CA6: variants seen among roughly 807,000 people sequenced by gnomAD.
The protein encoded by CA6 is carbonic anhydrase 6, also known as carbonate dehydratase VI.
A neutral mutation model predicts 35.9 loss-of-function variants in CA6; 28 were observed. That is an observed-to-expected ratio of 0.78 (90% CI 0.58 to 1.07). The LOEUF is 1.07. Among genes scored for constraint, CA6 ranks in the 50% least tolerant of loss-of-function variants. The pLI, the probability that CA6 is intolerant of heterozygous loss-of-function variation, is 0.00. For missense variants in CA6, 377 were observed against 382.0 expected (o/e 0.99, Z 0.11); for synonymous variants, 148 against 152.6 (o/e 0.97, Z 0.22).
chr1:8,947,850 CTT>C (rs527410056), intron 1 of CA6, among the ~76,000 whole-genome samples: 31 of 140,518 alleles, frequency 2.2e-4, no homozygotes, highest in African/African-American at 4.9e-4. Context: ...GTACAGACAC[CTT>C]TTTTTTTTTT....
chr1:8,946,001 C>T (rs759765463), intron 1 of CA6, 36 bp downstream of exon 1: 4 of 1,335,730 alleles, frequency 3.0e-6, no homozygotes, highest in Non-Finnish European at 4.3e-6. Flanking sequence ...CCCCAGTTAC[C>T]CTCACACCCT....
Position 8,949,438 on chromosome 1 carries a change from C to T in CA6, c.255C>T (p.His85=). The T allele has an allele frequency of 6.2e-7, 1 of 1,611,466 alleles. No individual in the cohort carries two copies. Among genetic ancestry groups the T allele is most frequent in the Non-Finnish European group, 8.5e-7 (1 of 1,178,660 alleles). ...AGEFPMVNNG[H]TVQISLPSTM... ...AGTTCCCCATGGTCAACAATGGCCA[C>T]ACAGGTAAGAGGAAGGGGTGGTGAG... Residue 85 remains histidine (H), a synonymous_variant, in exon 2 of 8, where the codon CAC becomes CAT. Transcript: ENST00000377443.
chr1:8,974,787 A>G lies in CA6; in HGVS notation c.*83A>G. On this transcript the variant is annotated 3_prime_UTR_variant, in exon 8 of 8. Coordinates refer to ENST00000377443, the MANE Select transcript of CA6 (RefSeq NM_001215.4). Reference sequence around the variant, plus strand: ...TGCCTGTCCGCTGCAGCCGCACCCTACCTTGTCTAAGAAACCATGTGTGTC... The same window carrying G: ...TGCCTGTCCGCTGCAGCCGCACCCTGCCTTGTCTAAGAAACCATGTGTGTC... The G allele has an allele frequency of 5.4e-6, 4 of 739,170 alleles. No homozygotes were observed. The South Asian group carries it at 7.9e-5, about 15-fold the overall frequency. The allele number at this position is 739,170 out of a possible 1,614,324, so 45.8% of individuals were successfully genotyped here. A position where few individuals can be genotyped will look rare whatever the true frequency, so the allele number is the denominator to read the frequency against.
chr1:8,960,844 C>G (rs144024843), intron 4 of CA6, among the ~76,000 whole-genome samples: 71 of 149,036 alleles, frequency 4.8e-4, no homozygotes, highest in Non-Finnish European at 8.3e-4. Flanking sequence ...GGAAGAAAAA[C>G]ATGAAACAAA....
intron 7 of CA6, chr1:8,974,223 T>C: frequency 1.7e-6 from 1 of 590,794 alleles, no homozygotes. Context: ...CCCAGCGGGG[T>C]TGATATGATT....
At chr1:8,951,979 C>T (rs148218541) in intron 2 of CA6, 227 of 161,988 alleles carry the variant, frequency 1.4e-3, no homozygotes, top group African/African-American at 5.1e-3. Flanking sequence ...GCCACCACGC[C>T]CAGCTAATTT....
At chr1:8,949,680 G>A (rs559634227) in intron 2 of CA6, among the ~76,000 whole-genome samples, 5 of 152,164 alleles carry the variant, frequency 3.3e-5, no homozygotes, top group East Asian at 1.9e-4. Flanking sequence ...TTCCTGCAGC[G>A]TTATCCTCTT....
intron 4 of CA6, 52 bp downstream of exon 4, chr1:8,959,054 C>T (rs1423718171): frequency 1.9e-6 from 2 of 1,060,820 alleles, no homozygotes; most frequent in South Asian, 1.3e-5. Flanking sequence ...AGGTTGATGT[C>T]CAAACAAGGT....
At chr1:8,948,419 A>G (rs541312479) in intron 1 of CA6, among the ~76,000 whole-genome samples, 7 of 152,054 alleles carry the variant, frequency 4.6e-5, no homozygotes, top group South Asian at 2.1e-4. Flanking sequence ...CCCTGAATCC[A>G]TAAGTGTAGA....
chr1:8,957,785 C>CAAAAA (rs869085886), intron 3 of CA6, among the ~76,000 whole-genome samples: 8 of 79,254 alleles, frequency 1.0e-4, no homozygotes, highest in African/African-American at 2.6e-4. Context: ...CTTGTGTCTA[C>CAAAAA]AAAAAAAAAA....
In CA6 at chr1:8,949,435, C is replaced by T. The variant is rs765781496; in HGVS notation, c.252C>T (p.Gly84=). 7 of 1,611,496 alleles carry T rather than the reference C, an allele frequency of 4.3e-6. No individual in the cohort carries two copies. In the African/African-American group the frequency reaches 6.7e-5, roughly 15 times the overall value. The change falls in exon 2 of 8, where the codon GGC becomes GGT. Residue 84 remains glycine (G), a synonymous_variant. Coordinates refer to ENST00000377443, the MANE Select transcript of CA6 (RefSeq NM_001215.4). Reference sequence around the variant, plus strand: ...GGGAGTTCCCCATGGTCAACAATGGCCACACAGGTAAGAGGAAGGGGTGGT... The same window carrying T: ...GGGAGTTCCCCATGGTCAACAATGGTCACACAGGTAAGAGGAAGGGGTGGT... The part of the protein sequence containing the change: ...QAGEFPMVNN[G]HTVQISLPST...
At chr1:8,962,755 G>A in intron 5 of CA6, 99 bp downstream of exon 5, 1 of 1,066,998 alleles carries the variant, frequency 9.4e-7, no homozygotes, top group Non-Finnish European at 1.4e-6. Context: ...CTGGTGGGGA[G>A]GGTGGCCCGT....
rs1226264371 is a variant in CA6 at position 8,945,897 on chromosome 1, T to C, written c.11T>C (p.Leu4Pro). 1 of 1,612,432 alleles carries C rather than the reference T, an allele frequency of 6.2e-7. No individual in the cohort carries two copies. Among genetic ancestry groups the C allele is most frequent in the South Asian group, 1.1e-5 (1 of 91,040 alleles). Residue 4 changes from leucine (L) to proline (P), a missense_variant, in exon 1 of 8, where the codon CTG becomes CCG. Coordinates refer to ENST00000377443, the MANE Select transcript of CA6 (RefSeq NM_001215.4). Reference sequence around the variant, plus strand: ...CAGATGTGCAGCACCATGAGGGCCCTGGTGCTTCTGCTGTCCCTGTTCCTG... The same window carrying C: ...CAGATGTGCAGCACCATGAGGGCCCCGGTGCTTCTGCTGTCCCTGTTCCTG... MRA[L>P]VLLLSLFLLG...
chr1:8,970,903 A>C lies in CA6; in HGVS notation c.766A>C (p.Asn256His). The change falls in exon 7 of 8, where the codon AAC becomes CAC. Residue 256 changes from asparagine (N) to histidine (H), a missense_variant. Physicochemically the swap from Asn to His is moderately conservative, Grantham distance 68. Transcript: ENST00000377443. Reference protein sequence around the residue: ...KLENSLLDHRNKTIHNDYRRT... With the variant: ...KLENSLLDHRHKTIHNDYRRT... ...GGAGAATTCCTTACTGGATCACCGC[A>C]ACAAGACCATCCACAACGATTACCG... 6.2e-7 allele frequency: 1 copy of C among 1,614,056 alleles called. No homozygotes were observed. The highest frequency in any genetic ancestry group is 8.5e-7 in the Non-Finnish European group (1 of 1,179,938).
At position 8,963,534 on chromosome 1, in the gene CA6, C is replaced by T. The variant is rs538560721; in HGVS notation, c.571+878C>T. On this transcript the variant is annotated intron_variant, in intron 5 of 7. Coordinates refer to ENST00000377443, the MANE Select transcript of CA6 (RefSeq NM_001215.4). The surrounding 1 kb of genome is among the most constrained non-coding windows in gnomAD (Gnocchi z 4.1). The stretch of plus-strand genomic sequence containing the variant: ...TGGACAGAAATCCATAGACATCTAA[C>T]TGGTATTATTATCGTTATTATTTTT... 1.3e-5 allele frequency among the ~76,000 whole-genome samples: 2 copies of T among 152,222 alleles called. No individual in the cohort carries two copies. The highest frequency in any genetic ancestry group is 4.1e-4 in the South Asian group (2 of 4,826).
rs1450437227 is a variant in CA6, at chr1:8,963,245, C to T, written c.571+589C>T. On this transcript the variant is annotated intron_variant, in intron 5 of 7. Coordinates refer to ENST00000377443, the MANE Select transcript of CA6 (RefSeq NM_001215.4). The surrounding 1 kb of genome is among the most constrained non-coding windows in gnomAD (Gnocchi z 4.1). ...CCTCTGACTTCAGCACCCAGCCCCT[C>T]CTGCAATTCACCTGACCGGAGTCCT... 1.3e-5 allele frequency among the ~76,000 whole-genome samples: 2 copies of T among 152,184 alleles called. No homozygotes were observed. Among genetic ancestry groups the T allele is most frequent in the African/African-American group, 4.8e-5 (2 of 41,434 alleles).
At chr1:8,966,649 G>A (rs1300193754) in intron 5 of CA6, among the ~76,000 whole-genome samples, 1 of 152,142 alleles carries the variant, frequency 6.6e-6, no homozygotes, top group Non-Finnish European at 1.5e-5. Flanking sequence ...GCCTATCTAC[G>A]TATGTATCAA....
At chr1:8,958,875 A>G in intron 3 of CA6, 35 bp from the exon 4 acceptor site, 2 of 1,136,900 alleles carry the variant, frequency 1.8e-6, no homozygotes, top group Non-Finnish European at 2.6e-6. Context: ...AATTTCTATG[A>G]ACTGCCCTTG....
intron 2 of CA6, among the ~76,000 whole-genome samples, chr1:8,956,176 T>A (rs563505334): frequency 1.3e-5 from 2 of 151,852 alleles, no homozygotes; most frequent in Admixed American, 1.3e-4. Context: ...TGAGCCTAGA[T>A]CATGCCACTG....
Sources: allele counts gnomAD v4.1 joint callset (sites outside exome capture counted in the v4.1 genomes callset), GRCh38; gene constraint gnomAD v4.1.1; non-coding constraint Gnocchi (gnomAD v3.1); transcripts MANE v1.5; gene names NCBI Gene and HGNC (gene_info 2026-07-23, HGNC 2026-07-21).